The following TCAIM variants were observed in gnomAD, a reference collection of about 807,000 sequenced individuals.
TCAIM encodes the protein T-cell activation inhibitor, mitochondrial.
Under a neutral mutation model 58.6 loss-of-function variants are expected in TCAIM, and 36 were observed. The ratio of observed to expected loss-of-function variants is 0.61; its 90% confidence interval spans 0.47 to 0.81. The LOEUF is 0.81. Among genes scored for constraint, TCAIM ranks in the 30% least tolerant of loss-of-function variants. TCAIM has a pLI of 0.00. For missense variants in TCAIM, 466 were observed against 579.6 expected, an observed-to-expected ratio of 0.80 and a Z score of 2.01; for synonymous variants, 172 against 193.6, an observed-to-expected ratio of 0.89 and a Z score of 0.93.
At chr3:44,407,101 G>T (rs1702112500) in intron 10 of TCAIM, among the ~76,000 whole-genome samples, 1 of 152,138 alleles carries the variant, frequency 6.6e-6, no homozygotes. Context: ...AAAACTAGGG[G>T]TTTTATATTC....
At chr3:44,378,685 C>T (rs879740630) in intron 5 of TCAIM, among the ~76,000 whole-genome samples, 2 of 151,850 alleles carry the variant, frequency 1.3e-5, no homozygotes, top group Non-Finnish European at 2.9e-5. Context: ...GTGGCAGGTG[C>T]CTGTAATCTC....
At chr3:44,346,705 C>T (rs1344392905) in intron 1 of TCAIM, among the ~76,000 whole-genome samples, 2 of 152,170 alleles carry the variant, frequency 1.3e-5, no homozygotes. Context: ...TTTTGAGGGC[C>T]TCTAAAAGTA....
chr3:44,379,888 T>C (rs1430025466), intron 5 of TCAIM, among the ~76,000 whole-genome samples: 1 of 151,876 alleles, frequency 6.6e-6, no homozygotes, highest in Non-Finnish European at 1.5e-5. Context: ...TAAAATTATA[T>C]CTAGGGAAGA....
intron 5 of TCAIM, among the ~76,000 whole-genome samples, chr3:44,382,927 CTTGA>C (rs1323079495): frequency 1.3e-5 from 2 of 152,112 alleles, no homozygotes; most frequent in Admixed American, 6.5e-5. Flanking sequence ...GGGCAAAGGA[CTTGA>C]ATAGACATTT....
chr3:44,394,076 C>G (rs1701883812), intron 6 of TCAIM, among the ~76,000 whole-genome samples: 1 of 152,094 alleles, frequency 6.6e-6, no homozygotes, highest in Non-Finnish European at 1.5e-5. Flanking sequence ...TTTGCAATAG[C>G]CTGTTTTGTT....
chr3:44,379,413 T>G (rs1701620111), intron 5 of TCAIM, among the ~76,000 whole-genome samples: 1 of 152,198 alleles, frequency 6.6e-6, no homozygotes, highest in Non-Finnish European at 1.5e-5. Flanking sequence ...TAAACACACA[T>G]GCTGACATAT....
Position 44,351,784 on chromosome 3 carries a change from C to T in TCAIM, c.-44-2955C>T, listed in dbSNP as rs552268119. 5.9e-5 allele frequency among the ~76,000 whole-genome samples: 9 copies of T among 152,180 alleles called. No homozygotes were observed. In the South Asian group the frequency reaches 1.5e-3, roughly 25 times the overall value. On this transcript the variant is annotated intron_variant, in intron 1 of 10. Coordinates refer to ENST00000342649, the MANE Select transcript of TCAIM (RefSeq NM_173826.4). The stretch of plus-strand genomic sequence containing the variant: ...TGCTGGGATTACAGGCATGAGCCAC[C>T]GCGCCCAACCCACCTTTTTAATATT...
Position 44,408,912 on chromosome 3 carries a change from A to G in TCAIM, c.*1230A>G, listed in dbSNP as rs559009637. ...TCAGTGCTTTTAGCTCTTCGAGTTTACCCTAAGATACCTTCGGGCAATATT... is the reference window on the plus strand; with the variant it reads ...TCAGTGCTTTTAGCTCTTCGAGTTTGCCCTAAGATACCTTCGGGCAATATT... On this transcript the variant is annotated 3_prime_UTR_variant, in exon 11 of 11. Coordinates refer to ENST00000342649, the MANE Select transcript of TCAIM (RefSeq NM_173826.4). 5.6e-4 allele frequency: 86 copies of G among 152,222 alleles called. No homozygotes were observed. Among genetic ancestry groups the G allele is most frequent in the African/African-American group, 1.8e-3 (73 of 41,522 alleles). The allele number at this position is 152,222 out of a possible 1,614,324, so 9.4% of individuals were successfully genotyped here.
chr3:44,409,302 C>T lies in TCAIM; in HGVS notation c.*1620C>T, dbSNP rs890473780. ...AGCCAAATAATGGGAGTGAAAAATT[C>T]CTTAAGTGTTATATAAGAAAATATA... On this transcript the variant is annotated 3_prime_UTR_variant, in exon 11 of 11. Coordinates refer to ENST00000342649, the MANE Select transcript of TCAIM (RefSeq NM_173826.4). 1.3e-4 allele frequency: 20 copies of T among 152,060 alleles called. No homozygotes were observed. Among genetic ancestry groups the T allele is most frequent in the Non-Finnish European group, 2.2e-4 (15 of 68,022 alleles). The allele number at this position is 152,060 out of a possible 1,614,324, so 9.4% of individuals were successfully genotyped here. A position where few individuals can be genotyped will look rare whatever the true frequency, so the allele number is the denominator to read the frequency against.
intron 5 of TCAIM, among the ~76,000 whole-genome samples, chr3:44,382,937 C>T (rs1701676638): frequency 6.6e-6 from 1 of 152,128 alleles, no homozygotes. Flanking sequence ...CTTGAATAGA[C>T]ATTTCTCCAA....
At chr3:44,396,351 G>A (rs115343607) in intron 6 of TCAIM, 49 bp from the exon 7 acceptor site, 25 of 1,550,272 alleles carry the variant, frequency 1.6e-5, no homozygotes, top group Admixed American at 3.9e-5. Flanking sequence ...TGCTCGCTCC[G>A]TCTTCAGGGT....
intron 5 of TCAIM, among the ~76,000 whole-genome samples, chr3:44,382,441 G>A (rs1320975689): frequency 2.0e-5 from 3 of 152,180 alleles, no homozygotes; most frequent in African/African-American, 7.2e-5. Flanking sequence ...GAATACAGCA[G>A]TAAATACTTG....
At chr3:44,347,079 T>C (rs1198552210) in intron 1 of TCAIM, among the ~76,000 whole-genome samples, 2 of 152,092 alleles carry the variant, frequency 1.3e-5, no homozygotes, top group Non-Finnish European at 2.9e-5. Flanking sequence ...AAGGAGTTGT[T>C]GTTTTGTAGA....
chr3:44,395,958 G>A (rs4130228), intron 6 of TCAIM, among the ~76,000 whole-genome samples: 19 of 152,340 alleles, frequency 1.2e-4, no homozygotes, highest in Admixed American at 1.2e-3. Context: ...CTGCACTCCC[G>A]CCTGGGCGAC....
chr3:44,388,757 A>T (rs903640004), intron 5 of TCAIM, among the ~76,000 whole-genome samples: 2 of 152,064 alleles, frequency 1.3e-5, no homozygotes, highest in Admixed American at 1.3e-4. Context: ...TATGGGGACT[A>T]TGTGAAGTGC....
chr3:44,372,124 T>C (rs1701487421), intron 5 of TCAIM, among the ~76,000 whole-genome samples: 1 of 152,140 alleles, frequency 6.6e-6, no homozygotes, highest in African/African-American at 2.4e-5. Context: ...GAAGGCCGAC[T>C]GTTGGTATAC....
At chr3:44,352,441 C>T (rs1701110990) in intron 1 of TCAIM, among the ~76,000 whole-genome samples, 1 of 152,162 alleles carries the variant, frequency 6.6e-6, no homozygotes, top group Admixed American at 6.5e-5. Context: ...CTTTCCCCCA[C>T]TTTTATCTCC....
intron 5 of TCAIM, among the ~76,000 whole-genome samples, chr3:44,378,394 C>G (rs1029780720): frequency 6.8e-6 from 1 of 147,442 alleles, no homozygotes; most frequent in Non-Finnish European, 1.5e-5. Context: ...CCTACCCCCC[C>G]AAAAAAAAAA....
At chr3:44,380,419 C>CA (rs1182549101) in intron 5 of TCAIM, among the ~76,000 whole-genome samples, 1 of 151,582 alleles carries the variant, frequency 6.6e-6, no homozygotes, top group East Asian at 1.9e-4. Flanking sequence ...CAATTTTGAG[C>CA]AAAAAAGAAA....
Sources: allele counts gnomAD v4.1 joint callset (sites outside exome capture counted in the v4.1 genomes callset), GRCh38; gene constraint gnomAD v4.1.1; transcripts MANE v1.5; gene names NCBI Gene and HGNC (gene_info 2026-07-23, HGNC 2026-07-21).